The following HACL1 variants were observed in gnomAD, a reference collection of about 807,000 sequenced individuals.
The protein encoded by HACL1 is 1600020H07Rik.
A neutral mutation model predicts 74.2 loss-of-function variants in HACL1; 64 were observed. That is an observed-to-expected ratio of 0.86 (90% CI 0.70 to 1.06). The LOEUF (loss-of-function observed/expected upper bound fraction) is 1.06, where lower values mean the gene tolerates loss of function less well. HACL1 is among the 50% of genes least tolerant of loss of function. The pLI, the probability that HACL1 is intolerant of heterozygous loss-of-function variation, is 0.00. For missense variants in HACL1, 728 were observed against 719.7 expected, an observed-to-expected ratio of 1.01 and a Z score of -0.13; for synonymous variants, 230 against 238.8, an observed-to-expected ratio of 0.96 and a Z score of 0.34.
rs1183276284 is a variant in HACL1 at position 15,575,044 on chromosome 3, G to A, written c.842C>T (p.Ala281Val). The change falls in exon 10 of 17, where the codon GCC (alanine) becomes GTC (valine). Residue 281 changes from alanine (A) to valine (V), a missense_variant. Ala to Val is a moderately conservative substitution (Grantham distance 64, BLOSUM62 0). Transcript: ENST00000321169. ...QFADVIVLFG[A>V]RLNWILHFGL... is the part of the protein sequence containing the mutation. ...AAAATGTAAAATCCAATTTAGTCTG[G>A]CACCAAATAACACAATTACATCAGC... is the stretch of plus-strand genomic sequence containing the variant. 1 of 1,593,900 alleles carries A rather than the reference G, an allele frequency of 6.3e-7. No individual in the cohort carries two copies. Among genetic ancestry groups the A allele is most frequent in the Non-Finnish European group, 8.6e-7 (1 of 1,163,048 alleles).
intron 3 of HACL1, 35 bp from the exon 4 acceptor site, chr3:15,591,715 A>G (rs944970067): frequency 1.1e-5 from 15 of 1,374,704 alleles, no homozygotes; most frequent in Non-Finnish European, 1.5e-5. Flanking sequence ...AAATCAGGTC[A>G]AATGTAACAA....
intron 10 of HACL1, 107 bp downstream of exon 10, chr3:15,574,869 GA>G: frequency 1.9e-6 from 1 of 518,400 alleles, no homozygotes; most frequent in Non-Finnish European, 3.5e-6. Context: ...TGTAAAAAGA[GA>G]ACAGTTTTTT....
At chr3:15,600,838 A>G in intron 2 of HACL1, 2 of 574,306 alleles carry the variant, frequency 3.5e-6, no homozygotes, top group Non-Finnish European at 6.3e-6. Context: ...ATGGACTCAG[A>G]CCCAGAATAC....
In HACL1 at chr3:15,560,880, G is replaced by A. The variant is rs755095965; in HGVS notation, c.1722C>T (p.Thr574=). 1.9e-6 allele frequency: 3 copies of A among 1,606,744 alleles called. No homozygotes were observed. In the African/African-American group the frequency reaches 4.0e-5, roughly 21 times the overall value. Residue 574 remains threonine (T), a synonymous_variant, in exon 17 of 17, where the codon ACC becomes ACT. Transcript: ENST00000321169. ...GCGTCTTTATTTACATATTAGAGCG[G>A]GTCAGCCAATGAAAATCCTAGAAAA... ...TRKAQDFHWL[T]RSNM
At chr3:15,586,105 G>GA (rs780916182) in intron 6 of HACL1, among the ~76,000 whole-genome samples, 2 of 152,116 alleles carry the variant, frequency 1.3e-5, no homozygotes, top group Non-Finnish European at 2.9e-5. Flanking sequence ...AAACACTTCT[G>GA]AAAAGCATTT....
At chr3:15,574,112 T>C (rs1301328164) in intron 10 of HACL1, among the ~76,000 whole-genome samples, 2 of 152,200 alleles carry the variant, frequency 1.3e-5, no homozygotes, top group Non-Finnish European at 2.9e-5. Flanking sequence ...AAGTCTGTAA[T>C]CTGGCATTTT....
intron 7 of HACL1, among the ~76,000 whole-genome samples, chr3:15,583,233 C>A (rs1163920511): frequency 6.6e-6 from 1 of 152,182 alleles, no homozygotes; most frequent in East Asian, 1.9e-4. Flanking sequence ...TTAAAAATTT[C>A]TCCATGCAGC....
chr3:15,593,222 C>CTT (rs35921406), intron 3 of HACL1, among the ~76,000 whole-genome samples: 1 of 145,448 alleles, frequency 6.9e-6, no homozygotes, highest in African/African-American at 2.7e-5. Context: ...TATATACACA[C>CTT]TTTTTTTTTG....
chr3:15,565,744 T>C (rs1464898472), intron 14 of HACL1, among the ~76,000 whole-genome samples: 1 of 152,206 alleles, frequency 6.6e-6, no homozygotes, highest in South Asian at 2.1e-4. Flanking sequence ...TGTATATCAC[T>C]TGGTTGTCAA....
intron 6 of HACL1, 144 bp from the exon 7 acceptor site, chr3:15,585,486 C>T (rs543796537): frequency 3.0e-5 from 17 of 570,700 alleles, no homozygotes; most frequent in Admixed American, 1.6e-4. Context: ...TGATGAAAAT[C>T]GAAATGTCCT....
intron 2 of HACL1, among the ~76,000 whole-genome samples, chr3:15,597,794 G>C (rs901560840): frequency 2.0e-5 from 3 of 151,764 alleles, no homozygotes; most frequent in Non-Finnish European, 4.4e-5. Context: ...ATTCACATTA[G>C]GAGAATAAGA....
intron 4 of HACL1, among the ~76,000 whole-genome samples, chr3:15,591,062 CAGAG>C (rs374683692): frequency 6.6e-6 from 1 of 152,198 alleles, no homozygotes; most frequent in South Asian, 2.1e-4. Flanking sequence ...GCCTGGGCGA[CAGAG>C]AGACTCCGTC....
At chr3:15,589,669 C>A in intron 4 of HACL1, 57 bp from the exon 5 acceptor site, 1 of 986,952 alleles carries the variant, frequency 1.0e-6, no homozygotes, top group South Asian at 1.3e-5. Context: ...ATGTAAAACA[C>A]TAAACACAGT....
intron 3 of HACL1, among the ~76,000 whole-genome samples, chr3:15,594,904 C>G (rs2064028077): frequency 6.6e-6 from 1 of 152,094 alleles, no homozygotes; most frequent in Non-Finnish European, 1.5e-5. Context: ...CCAAGGCCAG[C>G]AGATCATGAG....
chr3:15,568,332 A>G (rs937746636), intron 13 of HACL1, 100 bp downstream of exon 13: 3 of 768,030 alleles, frequency 3.9e-6, no homozygotes, highest in South Asian at 1.8e-5. Context: ...CATACTAAAC[A>G]TGTATTAATT....
intron 2 of HACL1, among the ~76,000 whole-genome samples, chr3:15,599,982 T>C (rs926508252): frequency 1.3e-5 from 2 of 152,188 alleles, no homozygotes; most frequent in Admixed American, 6.5e-5. Flanking sequence ...AATGTTGTTC[T>C]AACAAAGACA....
At chr3:15,586,744 A>T (rs9825280) in intron 5 of HACL1, 142 bp from the exon 6 acceptor site, 6,409 of 547,672 alleles carry the variant, frequency 0.012, 330 homozygotes, top group African/African-American at 0.11. Flanking sequence ...GTCCCTTAAA[A>T]GCCTATTCAA....
chr3:15,562,973 A>T (rs568618137), intron 16 of HACL1, among the ~76,000 whole-genome samples: 1 of 152,094 alleles, frequency 6.6e-6, no homozygotes, highest in Admixed American at 6.5e-5. Flanking sequence ...ACCTCCTCTG[A>T]GAAGCCTTCC....
intron 9 of HACL1, 35 bp from the exon 10 acceptor site, chr3:15,575,117 TTTC>T (rs1462413849): frequency 1.9e-6 from 2 of 1,039,694 alleles, no homozygotes; most frequent in Non-Finnish European, 1.5e-6. Flanking sequence ...TATAACTACA[TTTC>T]TTATTTGAAT....
Sources: allele counts gnomAD v4.1 joint callset (sites outside exome capture counted in the v4.1 genomes callset), GRCh38; gene constraint gnomAD v4.1.1; transcripts MANE v1.5; gene names NCBI Gene and HGNC (gene_info 2026-07-23, HGNC 2026-07-21).